RB1CC1: variants seen among roughly 807,000 people sequenced by gnomAD.
RB1CC1 encodes the protein RB1 inducible coiled-coil 1, also known as RB1-inducible coiled-coil protein 1.
RB1CC1 carries 46 observed loss-of-function variants against 177.5 expected under a neutral mutation model. The observed-to-expected ratio is 0.26, with a 90% CI of 0.20 to 0.33. RB1CC1 has a LOEUF of 0.33. Ranked by LOEUF, RB1CC1 falls within the 10% of genes least tolerant of loss-of-function variation. RB1CC1 has a pLI of 1.00. For missense variants in RB1CC1, 1,703 were observed against 1,816.3 expected, an observed-to-expected ratio of 0.94 and a Z score of 1.13; for synonymous variants, 666 against 613.6, an observed-to-expected ratio of 1.09 and a Z score of -1.26.
At chr8:52,649,734 A>G (rs946910516) in intron 15 of RB1CC1, among the ~76,000 whole-genome samples, 6 of 152,250 alleles carry the variant, frequency 3.9e-5, no homozygotes, top group African/African-American at 1.4e-4. Context: ...ACTTCCTGGG[A>G]GCAAGGCCAT....
Position 52,656,704 on chromosome 8 carries a change from T to A in RB1CC1, c.3125A>T (p.Gln1042Leu), listed in dbSNP as rs770674931. The A allele has an allele frequency of 6.2e-7, 1 of 1,613,636 alleles. No individual in the cohort carries two copies. The highest frequency in any genetic ancestry group is 1.3e-5 in the African/African-American group (1 of 74,868). Residue 1042 changes from glutamine to leucine, a missense_variant, in exon 15 of 24, where the codon CAG becomes CTG. Around this residue, in one of 6 missense-constraint regions of RB1CC1, gnomAD observed 1,169 missense variants for 1,184.7 expected, o/e 0.99. Transcript: ENST00000025008. The stretch of plus-strand genomic sequence containing the variant: ...AACCTTGAGTTTTAATTCCTGTAAC[T>A]GTTTTTCTTTTTCCTGGATAATTTC... ...HAEIIQEKEK[Q>L]LQELKLKVSD...
chr8:52,692,393 T>A (rs1053350414), intron 1 of RB1CC1, among the ~76,000 whole-genome samples: 1 of 152,174 alleles, frequency 6.6e-6, no homozygotes, highest in Non-Finnish European at 1.5e-5. Context: ...TACTTCCACT[T>A]TGCTTTTATT....
intron 6 of RB1CC1, among the ~76,000 whole-genome samples, chr8:52,675,768 T>A (rs1426757975): frequency 6.7e-6 from 1 of 148,294 alleles, no homozygotes; most frequent in Non-Finnish European, 1.5e-5. Context: ...GCACCTGTAG[T>A]CCCAGCTACT....
At chr8:52,666,464 G>C (rs1202209986) in intron 8 of RB1CC1, among the ~76,000 whole-genome samples, 1 of 151,382 alleles carries the variant, frequency 6.6e-6, no homozygotes, top group Non-Finnish European at 1.5e-5. Flanking sequence ...GTTGCAGTGA[G>C]ACGAGATAGC....
At chr8:52,708,459 G>C (rs1389512463) in intron 1 of RB1CC1, among the ~76,000 whole-genome samples, 1 of 152,208 alleles carries the variant, frequency 6.6e-6, no homozygotes, top group African/African-American at 2.4e-5. Flanking sequence ...GGAGCTTGCA[G>C]TAAGTTGAGA....
chr8:52,697,416 T>C lies in RB1CC1; in HGVS notation c.-166-10449A>G, dbSNP rs966164237. On this transcript the variant is annotated intron_variant, in intron 1 of 23. Transcript: ENST00000025008. ...ATCCTGACTTAAAACAACTGTATAA[T>C]AACATTTTTGGGATAAATGTGCAAA... is the stretch of plus-strand genomic sequence containing the variant. 8.5e-5 allele frequency among the ~76,000 whole-genome samples: 13 copies of C among 152,236 alleles called. No homozygotes were observed. In the East Asian group the frequency reaches 1.7e-3, roughly 20 times the overall value.
rs113332634 is a variant in RB1CC1 at position 52,623,916 on chromosome 8, T to TCACA, written c.4708-61_4708-58dup. ...AGTGATTAAACCACATCTCTCTCTC[T>TCACA]CACACACACACACACACACCCAAAA... On this transcript the variant is annotated intron_variant, in intron 23 of 23. Coordinates refer to ENST00000025008, the MANE Select transcript of RB1CC1 (RefSeq NM_014781.5). The TCACA allele has an allele frequency of 1.7e-3, 1,487 of 864,048 alleles. 2 individuals are homozygous for TCACA. Among genetic ancestry groups the TCACA allele is most frequent in the African/African-American group, 4.3e-3 (255 of 58,982 alleles). The allele number at this position is 864,048 out of a possible 1,614,324, so 53.5% of individuals were successfully genotyped here. A position where few individuals can be genotyped will look rare whatever the true frequency, so the allele number is the denominator to read the frequency against.
At position 52,658,174 on chromosome 8, in the gene RB1CC1, T is replaced by C. The variant is rs369113037; in HGVS notation, c.1794-50A>G. The C allele has an allele frequency of 3.2e-6, 5 of 1,542,372 alleles. No homozygotes were observed. In the African/African-American group the frequency reaches 5.6e-5, roughly 17 times the overall value. The stretch of plus-strand genomic sequence containing the variant: ...GACTTCTGATTTTTTAATGAACTAG[T>C]AGATAACTGCTACCAAATATTTTAA... On this transcript the variant is annotated intron_variant, in intron 13 of 23. Transcript: ENST00000025008.
At chr8:52,681,851 C>T (rs980663580) in intron 5 of RB1CC1, among the ~76,000 whole-genome samples, 3 of 152,206 alleles carry the variant, frequency 2.0e-5, no homozygotes, top group African/African-American at 7.2e-5. Context: ...TGTACGGAAA[C>T]GCCTAGATGC....
At chr8:52,643,001 T>A in intron 16 of RB1CC1, 189 bp from the exon 17 acceptor site, 1 of 567,424 alleles carries the variant, frequency 1.8e-6, no homozygotes, top group Middle Eastern at 5.5e-4. Context: ...TTGGTTCCAA[T>A]TTAAGTCTCT....
At chr8:52,710,878 C>T (rs1212535678) in intron 1 of RB1CC1, among the ~76,000 whole-genome samples, 4 of 151,946 alleles carry the variant, frequency 2.6e-5, no homozygotes, top group Non-Finnish European at 4.4e-5. Flanking sequence ...TACTAAAAGC[C>T]GTTATATTAC....
chr8:52,685,003 T>C (rs1854130484), intron 3 of RB1CC1, among the ~76,000 whole-genome samples: 1 of 17,638 alleles, frequency 5.7e-5, no homozygotes, highest in African/African-American at 1.1e-4. Context: ...TTATGTGACC[T>C]TTTTTTTTTT....
chr8:52,657,460 T>G lies in RB1CC1; in HGVS notation c.2369A>C (p.Asp790Ala), dbSNP rs908062348. The G allele has an allele frequency of 6.2e-7, 1 of 1,613,604 alleles. No homozygotes were observed. Among genetic ancestry groups the G allele is most frequent in the Non-Finnish European group, 8.5e-7 (1 of 1,180,014 alleles). The change falls in exon 15 of 24, where the codon GAT becomes GCT. Residue 790 changes from aspartate to alanine, a missense_variant. Physicochemically the swap from Asp to Ala is moderately radical, Grantham distance 126. Around this residue, in one of 6 missense-constraint regions of RB1CC1, gnomAD observed 1,169 missense variants for 1,184.7 expected, o/e 0.99. Transcript: ENST00000025008. ...TNVCGKEDFG[D>A]HTSLNVQLER... Reference sequence around the variant, plus strand: ...CAACTGGACATTCAGAGAAGTATGATCTCCAAAATCCTCCTTACCACATAC... The same window carrying G: ...CAACTGGACATTCAGAGAAGTATGAGCTCCAAAATCCTCCTTACCACATAC...
chr8:52,634,389 G>C (rs533816666), intron 20 of RB1CC1, among the ~76,000 whole-genome samples: 1 of 151,876 alleles, frequency 6.6e-6, no homozygotes, highest in Non-Finnish European at 1.5e-5. Flanking sequence ...CGGGTGTGAC[G>C]GCGCAGCACA....
intron 16 of RB1CC1, 73 bp downstream of exon 16, chr8:52,645,629 T>G: frequency 6.8e-7 from 1 of 1,461,622 alleles, no homozygotes; most frequent in Non-Finnish European, 9.3e-7. Context: ...CTCAGCTACA[T>G]AAAGAAATTA....
At chr8:52,635,192 T>C (rs1849040678) in intron 19 of RB1CC1, among the ~76,000 whole-genome samples, 1 of 152,180 alleles carries the variant, frequency 6.6e-6, no homozygotes. Flanking sequence ...TGTCAAACAT[T>C]AATATGCGTT....
intron 18 of RB1CC1, among the ~76,000 whole-genome samples, chr8:52,640,495 C>A (rs1023721357): frequency 1.6e-4 from 24 of 152,134 alleles, no homozygotes; most frequent in Admixed American, 5.9e-4. Context: ...ATGTGTCAAT[C>A]AAAAAAGCCT....
At chr8:52,642,643 T>C in intron 17 of RB1CC1, 52 bp from the exon 18 acceptor site, 1 of 1,594,952 alleles carries the variant, frequency 6.3e-7, no homozygotes, top group South Asian at 1.1e-5. Context: ...AAAACCACTT[T>C]GCATGAATGT....
At chr8:52,632,073 C>A (rs1848805270) in intron 20 of RB1CC1, among the ~76,000 whole-genome samples, 1 of 152,160 alleles carries the variant, frequency 6.6e-6, no homozygotes, top group East Asian at 1.9e-4. Flanking sequence ...TGATGATGAG[C>A]ACAATCAAAT....
Sources: allele counts gnomAD v4.1 joint callset (sites outside exome capture counted in the v4.1 genomes callset), GRCh38; gene constraint gnomAD v4.1.1; regional missense constraint gnomAD v4.1.1; transcripts MANE v1.5; gene names NCBI Gene and HGNC (gene_info 2026-07-23, HGNC 2026-07-21).